Variants in ACTR3C observed in about 807,000 individuals in gnomAD.
ACTR3C encodes actin-related protein 3C.
In ACTR3C, 18 loss-of-function variants were observed where a neutral mutation model predicts 26.3. The observed-to-expected ratio is 0.68, with a 90% CI of 0.47 to 1.01. ACTR3C has a LOEUF of 1.01. ACTR3C is among the 50% of genes least tolerant of loss of function. ACTR3C has a pLI of 0.00. For missense variants in ACTR3C, 184 were observed against 250.7 expected (o/e 0.73, Z 1.80); for synonymous variants, 55 against 94.5 (o/e 0.58, Z 2.42).
chr7:150,082,264 T>C, the ACTR3C span, among the ~76,000 whole-genome samples: 13 of 152,198 alleles, frequency 8.5e-5, no homozygotes, highest in East Asian at 1.9e-4. Context: ...GATGAAATAC[T>C]ACCAAATGGG....
chr7:150,088,920 CA>C, the ACTR3C span, among the ~76,000 whole-genome samples: 1 of 152,308 alleles, frequency 6.6e-6, no homozygotes, highest in South Asian at 2.1e-4. Context: ...TTTTAAGATT[CA>C]CCCTTAGGGA....
chr7:150,286,239 G>A (rs1835759074), intron 5 of ACTR3C, 128 bp downstream of exon 5: 15 of 1,257,752 alleles, frequency 1.2e-5, no homozygotes, highest in Admixed American at 2.3e-5. Flanking sequence ...ACTGCATGGG[G>A]GATGCAGAGA....
At chr7:150,240,531 T>C (rs1406166782), downstream of ACTR3C, among the ~76,000 whole-genome samples, 1 of 152,162 alleles carries the variant, frequency 6.6e-6, no homozygotes, top group East Asian at 1.9e-4. Flanking sequence ...TGTATACCTA[T>C]GTAACAAACC....
chr7:150,142,962 G>C, the ACTR3C span, among the ~76,000 whole-genome samples: 14 of 152,056 alleles, frequency 9.2e-5, no homozygotes, highest in East Asian at 2.7e-3. Context: ...AGCCTCCCCA[G>C]TAGCTAGGAT....
the ACTR3C span, among the ~76,000 whole-genome samples, chr7:149,886,628 A>C: frequency 6.6e-6 from 1 of 152,202 alleles, no homozygotes; most frequent in African/African-American, 2.4e-5. Context: ...GGGAGAAAAT[A>C]AGTCCAGAAA....
At chr7:150,178,416 G>A in the ACTR3C span, among the ~76,000 whole-genome samples, 1 of 149,688 alleles carries the variant, frequency 6.7e-6, no homozygotes, top group African/African-American at 2.5e-5. Context: ...CCGACTAGCT[G>A]GGATTACAGG....
chr7:149,988,400 C>T, the ACTR3C span, among the ~76,000 whole-genome samples: 1 of 152,138 alleles, frequency 6.6e-6, no homozygotes, highest in Admixed American at 6.5e-5. Context: ...CGGAGAGCAT[C>T]GGTGTTCTCC....
the ACTR3C span, among the ~76,000 whole-genome samples, chr7:150,101,912 T>C: frequency 5.9e-5 from 9 of 151,664 alleles, 2 homozygotes; most frequent in African/African-American, 1.9e-4. Context: ...AGTCAAAGAG[T>C]AGCCAATTCT....
intron 3 of ACTR3C, among the ~76,000 whole-genome samples, chr7:150,292,929 G>A (rs747787058): frequency 1.9e-3 from 284 of 151,124 alleles, no homozygotes; most frequent in Admixed American, 0.016. Context: ...CATCCAAAAC[G>A]GTGTCTATCT....
At chr7:150,136,867 C>A in the ACTR3C span, among the ~76,000 whole-genome samples, 1 of 152,178 alleles carries the variant, frequency 6.6e-6, no homozygotes, top group Non-Finnish European at 1.5e-5. Context: ...AATTTTCTGG[C>A]ACCAGGGGCT....
chr7:150,204,022 G>C, the ACTR3C span, among the ~76,000 whole-genome samples: 1 of 150,110 alleles, frequency 6.7e-6, no homozygotes, highest in Non-Finnish European at 1.5e-5. Context: ...AATAGAGAGT[G>C]AGTGGAATTA....
chr7:150,141,669 C>T, the ACTR3C span, among the ~76,000 whole-genome samples: 1 of 152,046 alleles, frequency 6.6e-6, no homozygotes, highest in Admixed American at 6.6e-5. Flanking sequence ...CCACCAAATG[C>T]CTCTCATTAG....
At chr7:149,980,342 T>C in the ACTR3C span, among the ~76,000 whole-genome samples, 1 of 152,236 alleles carries the variant, frequency 6.6e-6, no homozygotes, top group African/African-American at 2.4e-5. Context: ...GCTTGTTCAA[T>C]GACTTTCTGG....
At chr7:150,001,216 C>T in the ACTR3C span, 1 of 152,280 alleles carries the variant, frequency 6.6e-6, no homozygotes, top group Non-Finnish European at 1.5e-5. Context: ...GGCCCAGCTG[C>T]TAAAGCTTCC....
At chr7:150,191,749 C>T in the ACTR3C span, among the ~76,000 whole-genome samples, 2 of 152,102 alleles carry the variant, frequency 1.3e-5, no homozygotes, top group Admixed American at 1.3e-4. Flanking sequence ...AAATAAAATA[C>T]TATTAATAAA....
At chr7:150,050,439 A>G in the ACTR3C span, among the ~76,000 whole-genome samples, 2 of 152,364 alleles carry the variant, frequency 1.3e-5, no homozygotes, top group East Asian at 3.9e-4. Flanking sequence ...ACTATAATCT[A>G]ACCAAAGTTT....
the ACTR3C span, among the ~76,000 whole-genome samples, chr7:150,212,813 A>G: frequency 2.6e-5 from 4 of 152,096 alleles, no homozygotes; most frequent in South Asian, 8.3e-4. Flanking sequence ...GAACCACAAA[A>G]CAGCCTCGTA....
rs548876261 is a variant in ACTR3C at position 150,314,867 on chromosome 7, A to G, written c.-52+8602T>C. On this transcript the variant is annotated intron_variant, in intron 1 of 7. Transcript: ENST00000683684. ...CTCACAAGGCGGAGGCGAGCGGCTCACTTGAACCCCGGAGGTCGAGGCTGC... is the reference window on the plus strand; with the variant it reads ...CTCACAAGGCGGAGGCGAGCGGCTCGCTTGAACCCCGGAGGTCGAGGCTGC... Among the ~76,000 whole-genome samples, 9 of 149,972 alleles carry G rather than the reference A, an allele frequency of 6.0e-5. No homozygotes were observed. The East Asian group carries it at 1.7e-3, about 29-fold the overall frequency.
At chr7:150,033,263 C>G in the ACTR3C span, among the ~76,000 whole-genome samples, 1 of 152,114 alleles carries the variant, frequency 6.6e-6, no homozygotes, top group African/African-American at 2.4e-5. Flanking sequence ...TGCAAAAGCT[C>G]CTGGACCCTT....
Sources: gnomAD v4.1 joint callset for allele counts (sites outside exome capture counted in the v4.1 genomes callset) on GRCh38, gnomAD v4.1.1 for gene constraint, MANE v1.5 for transcripts, NCBI Gene and HGNC (gene_info 2026-07-23, HGNC 2026-07-21) for gene names.